Variants in FAM117B observed in about 807,000 individuals in gnomAD.
FAM117B encodes the protein protein FAM117B.
A neutral mutation model predicts 52.8 loss-of-function variants in FAM117B; 22 were observed. The observed-to-expected ratio is 0.42, with a 90% CI of 0.30 to 0.59. FAM117B has a LOEUF of 0.59. Among genes scored for constraint, FAM117B ranks in the 20% least tolerant of loss-of-function variants. FAM117B has a pLI of 0.22. For synonymous variants in FAM117B, 309 were observed against 324.1 expected, an observed-to-expected ratio of 0.95 and a Z score of 0.50; for missense variants, 678 against 802.6, an observed-to-expected ratio of 0.84 and a Z score of 1.88.
chr2:202,697,573 T>C (rs116399885), intron 2 of FAM117B, among the ~76,000 whole-genome samples: 1 of 150,488 alleles, frequency 6.6e-6, no homozygotes, highest in Non-Finnish European at 1.5e-5. Context: ...TCCCCTGAGA[T>C]AGAATCTCGC....
chr2:202,635,551 G>C lies in FAM117B; in HGVS notation c.364G>C (p.Gly122Arg). The change falls in exon 1 of 8, where the codon GGC becomes CGC. Residue 122 changes from glycine (G) to arginine (R), a missense_variant. By Grantham distance (125) the Gly-to-Arg change is moderately radical. Around this residue, in one of 3 missense-constraint regions of FAM117B, gnomAD observed 583 missense variants for 644.8 expected, o/e 0.90. Coordinates refer to ENST00000392238, the MANE Select transcript of FAM117B (RefSeq NM_173511.4). ...QTGASATSTRGTSPTRSAAPG... is the reference protein window; with the variant it reads ...QTGASATSTRRTSPTRSAAPG... ...GGGCGCGTCCGCGACGTCCACGCGA[G>C]GCACCAGCCCCACGCGCAGCGCCGC... 8.4e-7 allele frequency: 1 copy of C among 1,187,092 alleles called. No homozygotes were observed. The highest frequency in any genetic ancestry group is 3.7e-5 in the East Asian group (1 of 26,804). The allele number at this position is 1,187,092 out of a possible 1,614,324, so 73.5% of individuals were successfully genotyped here.
chr2:202,715,185 C>A (rs572119991), intron 2 of FAM117B, among the ~76,000 whole-genome samples: 3 of 144,246 alleles, frequency 2.1e-5, no homozygotes, highest in African/African-American at 7.7e-5. Flanking sequence ...CCCTCCCGGA[C>A]GGGTCGGCTG....
At chr2:202,642,556 CAGTG>C (rs1689787962) in intron 1 of FAM117B, among the ~76,000 whole-genome samples, 1 of 151,914 alleles carries the variant, frequency 6.6e-6, no homozygotes, top group Admixed American at 6.6e-5. Flanking sequence ...TAATTGATAA[CAGTG>C]AGGAGAACAG....
At chr2:202,659,854 C>T (rs1028169486) in intron 1 of FAM117B, among the ~76,000 whole-genome samples, 9 of 151,476 alleles carry the variant, frequency 5.9e-5, no homozygotes, top group African/African-American at 2.2e-4. Context: ...CTCCTGACCT[C>T]GTGATCCACC....
At chr2:202,735,325 G>A (rs1440052808) in intron 4 of FAM117B, among the ~76,000 whole-genome samples, 1 of 152,108 alleles carries the variant, frequency 6.6e-6, no homozygotes, top group Non-Finnish European at 1.5e-5. Context: ...TATTTTGTTT[G>A]TATTTCACGA....
chr2:202,668,527 C>CA (rs373784165), intron 1 of FAM117B, among the ~76,000 whole-genome samples: 21,143 of 71,330 alleles, frequency 0.3, 2,760 homozygotes, highest in South Asian at 0.45. Context: ...GACTCTCTCT[C>CA]AAAAAAAAAA....
At chr2:202,729,259 A>G (rs1691303283) in intron 4 of FAM117B, among the ~76,000 whole-genome samples, 1 of 152,176 alleles carries the variant, frequency 6.6e-6, no homozygotes, top group Non-Finnish European at 1.5e-5. Flanking sequence ...GCTTGAGCCC[A>G]GGAGGCGGAG....
At chr2:202,655,707 TGA>T (rs60423652) in intron 1 of FAM117B, among the ~76,000 whole-genome samples, 9,780 of 97,500 alleles carry the variant, frequency 0.1, 558 homozygotes, top group Non-Finnish European at 0.11. Flanking sequence ...GGGAAGAGAG[TGA>T]GAGAGAGAGA....
At chr2:202,709,920 T>C (rs1420791958) in intron 2 of FAM117B, among the ~76,000 whole-genome samples, 3 of 152,190 alleles carry the variant, frequency 2.0e-5, no homozygotes, top group Non-Finnish European at 2.9e-5. Context: ...GGCACCCTCA[T>C]TGAAGATTGG....
chr2:202,679,968 T>G (rs960158851), intron 1 of FAM117B, among the ~76,000 whole-genome samples: 1 of 152,116 alleles, frequency 6.6e-6, no homozygotes, highest in African/African-American at 2.4e-5. Context: ...GCTCAGAGAT[T>G]TAAAGGAAAA....
intron 4 of FAM117B, among the ~76,000 whole-genome samples, chr2:202,751,691 G>T (rs1456232871): frequency 1.4e-5 from 2 of 145,264 alleles, no homozygotes; most frequent in South Asian, 2.2e-4. Flanking sequence ...AGAATCACTT[G>T]AACCCGGGAG....
chr2:202,763,923 G>T (rs974478145), intron 7 of FAM117B, among the ~76,000 whole-genome samples: 6 of 152,034 alleles, frequency 3.9e-5, no homozygotes, highest in African/African-American at 1.4e-4. Flanking sequence ...CTTCCTACAG[G>T]CCACAGGTTA....
At chr2:202,675,476 T>C (rs1239800677) in intron 1 of FAM117B, among the ~76,000 whole-genome samples, 1 of 127,236 alleles carries the variant, frequency 7.9e-6, no homozygotes. Context: ...AAAGGCCAAG[T>C]GCTACCTCTC....
At chr2:202,698,842 G>A (rs1323189035) in intron 2 of FAM117B, among the ~76,000 whole-genome samples, 4 of 152,184 alleles carry the variant, frequency 2.6e-5, no homozygotes, top group Non-Finnish European at 5.9e-5. Context: ...CTTGCTTTCT[G>A]CTTAATCCAC....
intron 2 of FAM117B, among the ~76,000 whole-genome samples, chr2:202,705,007 C>A (rs1690851417): frequency 6.6e-6 from 1 of 151,626 alleles, no homozygotes; most frequent in South Asian, 2.1e-4. Flanking sequence ...AGAAATGCAG[C>A]ATTTAAAAAG....
chr2:202,637,929 T>C (rs1689712760), intron 1 of FAM117B, among the ~76,000 whole-genome samples: 1 of 148,206 alleles, frequency 6.7e-6, no homozygotes, highest in Non-Finnish European at 1.5e-5. Flanking sequence ...TAGGCTGGAG[T>C]GCAATGGGGC....
At chr2:202,745,135 C>T (rs1691611302) in intron 4 of FAM117B, among the ~76,000 whole-genome samples, 1 of 151,772 alleles carries the variant, frequency 6.6e-6, no homozygotes, top group Admixed American at 6.6e-5. Flanking sequence ...CAAAAATTAA[C>T]TGGGCGTGGT....
Position 202,635,519 on chromosome 2 carries a change from C to G in FAM117B, c.332C>G (p.Thr111Arg). The change falls in exon 1 of 8, where the codon ACG (threonine) becomes AGG (arginine). Residue 111 changes from threonine (T) to arginine (R), a missense_variant. Coordinates refer to ENST00000392238, the MANE Select transcript of FAM117B (RefSeq NM_173511.4). ...AAARTSPTVATQTGASATSTR... is the reference protein window; with the variant it reads ...AAARTSPTVARQTGASATSTR... ...GCGCGCACCAGCCCCACGGTGGCCA[C>G]GCAGACGGGCGCGTCCGCGACGTCC... The G allele has an allele frequency of 1.8e-6, 2 of 1,119,472 alleles. No homozygotes were observed. Among genetic ancestry groups the G allele is most frequent in the South Asian group, 8.5e-5 (2 of 23,572 alleles). The allele number at this position is 1,119,472 out of a possible 1,614,324, so 69.3% of individuals were successfully genotyped here.
At chr2:202,761,141 C>A (rs1691880755) in intron 7 of FAM117B, among the ~76,000 whole-genome samples, 1 of 152,228 alleles carries the variant, frequency 6.6e-6, no homozygotes, top group Non-Finnish European at 1.5e-5. Context: ...AAGTGATCCA[C>A]CTGCCTTGGC....
Sources: allele counts gnomAD v4.1 joint callset (sites outside exome capture counted in the v4.1 genomes callset), GRCh38; gene constraint gnomAD v4.1.1; regional missense constraint gnomAD v4.1.1; transcripts MANE v1.5; gene names NCBI Gene and HGNC (gene_info 2026-07-23, HGNC 2026-07-21).